Variants in PAK3 observed in about 807,000 individuals in gnomAD.
PAK3 encodes the protein p21 (RAC1) activated kinase 3.
PAK3 carries 4 observed loss-of-function variants against 41.0 expected under a neutral mutation model. The observed-to-expected ratio is 0.10, with a 90% CI of 0.05 to 0.22. PAK3 has a LOEUF of 0.22. Ranked by LOEUF, PAK3 falls within the 10% of genes least tolerant of loss-of-function variation. PAK3 has a pLI of 1.00. For missense variants in PAK3, 205 were observed against 409.9 expected, an observed-to-expected ratio of 0.50 and a Z score of 4.32; for synonymous variants, 146 against 139.6, an observed-to-expected ratio of 1.05 and a Z score of -0.32.
At chrX:111,066,995 G>C (rs181326759) in intron 1 of PAK3, among the ~76,000 whole-genome samples, 40 of 111,714 alleles carry the variant, frequency 3.6e-4, no homozygotes, top group Middle Eastern at 4.7e-3. Flanking sequence ...GAAAGGTATT[G>C]ATTTTTGTAG....
intron 16 of PAK3, among the ~76,000 whole-genome samples, chrX:111,206,805 C>T (rs2094753328): frequency 9.0e-6 from 1 of 111,264 alleles, no homozygotes; most frequent in East Asian, 2.8e-4. Context: ...ATTTGGCCCT[C>T]ATTACTCTCT....
chrX:111,168,387 T>G (rs962178883), intron 10 of PAK3, among the ~76,000 whole-genome samples: 1 of 112,065 alleles, frequency 8.9e-6, no homozygotes, highest in African/African-American at 3.2e-5. Context: ...TCACAGTGTT[T>G]TTTCTTTATC....
intron 1 of PAK3, among the ~76,000 whole-genome samples, chrX:111,017,634 T>G (rs1271142876): frequency 9.0e-6 from 1 of 111,713 alleles, no homozygotes; most frequent in Non-Finnish European, 1.9e-5. Context: ...CAAGATCCAA[T>G]GGGTTCACCT....
intron 1 of PAK3, among the ~76,000 whole-genome samples, chrX:111,030,428 T>G (rs954829610): frequency 8.9e-5 from 10 of 111,803 alleles, no homozygotes; most frequent in Non-Finnish European, 1.9e-4. Context: ...AGATCCGATT[T>G]CCATATTTGC....
chrX:111,024,199 G>A (rs1040570557), intron 1 of PAK3, among the ~76,000 whole-genome samples: 12 of 111,773 alleles, frequency 1.1e-4, no homozygotes, highest in African/African-American at 3.2e-4. Context: ...AGATCAGATG[G>A]TTGTAGATGT....
rs760956625 is a variant in PAK3, at chrX:111,142,203, A to G, written c.276+7A>G. ...AGTCACCGGGGAATTCACTGTAAGT[A>G]AGCTCCTTGTTTTGTTTTGTAAGCC... On this transcript the variant is annotated splice_region_variant and intron_variant, in intron 6 of 17. Coordinates refer to ENST00000372007, the MANE Select transcript of PAK3 (RefSeq NM_002578.5). The G allele has an allele frequency of 1.8e-5, 18 of 997,463 alleles. No homozygotes were observed. Among genetic ancestry groups the G allele is most frequent in the Admixed American group, 6.6e-5 (3 of 45,772 alleles). 82.2% of individuals were successfully genotyped at this position (997,463 alleles called of 1,213,427 possible).
At chrX:111,168,100 A>C (rs921384948) in intron 10 of PAK3, among the ~76,000 whole-genome samples, 5 of 111,508 alleles carry the variant, frequency 4.5e-5, no homozygotes, top group Non-Finnish European at 9.4e-5. Context: ...TTTTCTCAGA[A>C]ATCAAAATCT....
upstream of PAK3, among the ~76,000 whole-genome samples, chrX:111,092,997 C>T (rs967334433): frequency 8.9e-5 from 10 of 111,768 alleles, no homozygotes; most frequent in Non-Finnish European, 1.7e-4. Context: ...GAGCAATGTT[C>T]CTTTTATCCA....
intron 4 of PAK3, among the ~76,000 whole-genome samples, chrX:111,103,870 G>T (rs111252975): frequency 9.0e-6 from 1 of 111,403 alleles, no homozygotes; most frequent in African/African-American, 3.3e-5. Flanking sequence ...CCTCCACCAG[G>T]TCTCCAACAG....
At chrX:110,971,199 T>C (rs969234593) in intron 1 of PAK3, among the ~76,000 whole-genome samples, 4 of 112,267 alleles carry the variant, frequency 3.6e-5, no homozygotes, top group Non-Finnish European at 5.6e-5. Context: ...TTTTATTCAG[T>C]GCTCTCAAAA....
chrX:111,006,812 C>CCTTTCTTTCTTTCTTTCTTTCTTTCTTT (rs1275739344), intron 1 of PAK3, among the ~76,000 whole-genome samples: 14 of 54,988 alleles, frequency 2.5e-4, no homozygotes, highest in East Asian at 2.3e-3. Context: ...TCTGCATTTC[C>CCTTTCTTTCTTTCTTTCTTTCTTTCTTT]CTTTCTTTCT....
chrX:111,188,404 G>A (rs2094532046), intron 11 of PAK3, among the ~76,000 whole-genome samples: 1 of 110,230 alleles, frequency 9.1e-6, no homozygotes, highest in African/African-American at 3.3e-5. Context: ...CTTTAACTGG[G>A]GCAACTCCCA....
intron 8 of PAK3, among the ~76,000 whole-genome samples, chrX:111,159,683 T>C (rs1331489553): frequency 8.9e-6 from 1 of 111,994 alleles, no homozygotes; most frequent in Non-Finnish European, 1.9e-5. Flanking sequence ...TTTAAAAATC[T>C]GGAAACTTAA....
intron 1 of PAK3, among the ~76,000 whole-genome samples, chrX:111,003,790 A>G (rs1428825224): frequency 8.9e-6 from 1 of 111,842 alleles, no homozygotes; most frequent in African/African-American, 3.3e-5. Flanking sequence ...CAATATCATG[A>G]AAAACACTTG....
intron 1 of PAK3, among the ~76,000 whole-genome samples, chrX:111,020,174 C>A (rs903879022): frequency 2.7e-5 from 3 of 111,852 alleles, no homozygotes; most frequent in Non-Finnish European, 5.6e-5. Context: ...CCCAAGTGTG[C>A]ACCAACAGAT....
chrX:111,091,396 G>A (rs1287126143), upstream of PAK3, among the ~76,000 whole-genome samples: 1 of 111,579 alleles, frequency 9.0e-6, no homozygotes, highest in Middle Eastern at 4.2e-3. Context: ...TTAGCTGTTT[G>A]TATCCATACA....
At chrX:110,982,212 A>G (rs983047960) in intron 1 of PAK3, among the ~76,000 whole-genome samples, 1 of 111,603 alleles carries the variant, frequency 9.0e-6, no homozygotes, top group Non-Finnish European at 1.9e-5. Context: ...CCTGTTGTAA[A>G]GGGAAGAAAG....
chrX:111,085,600 G>A (rs1028946210), intron 1 of PAK3, among the ~76,000 whole-genome samples: 5 of 111,981 alleles, frequency 4.5e-5, no homozygotes, highest in South Asian at 3.7e-4. Flanking sequence ...CCTGGAGGTC[G>A]TGGGTATCAG....
intron 16 of PAK3, among the ~76,000 whole-genome samples, chrX:111,211,528 T>C (rs939871800): frequency 4.6e-5 from 5 of 108,839 alleles, no homozygotes; most frequent in African/African-American, 1.7e-4. Flanking sequence ...ATGCAAAAAT[T>C]AGCTGGGCAT....
Sources: allele counts gnomAD v4.1 joint callset (sites outside exome capture counted in the v4.1 genomes callset), GRCh38; gene constraint gnomAD v4.1.1; transcripts MANE v1.5; gene names NCBI Gene and HGNC (gene_info 2026-07-23, HGNC 2026-07-21).